TMEM266: variants seen among roughly 807,000 people sequenced by gnomAD.
TMEM266 encodes Hv1 related protein 1.
A neutral mutation model predicts 50.5 loss-of-function variants in TMEM266; 33 were observed. The observed-to-expected ratio is 0.65, with a 90% CI of 0.50 to 0.87. The LOEUF (loss-of-function observed/expected upper bound fraction) is 0.87, where lower values mean the gene tolerates loss of function less well. Ranked by LOEUF, TMEM266 falls within the 40% of genes least tolerant of loss-of-function variation. The probability of loss-of-function intolerance (pLI) is 0.00; values close to 1 mark genes in which losing one functional copy is unlikely to be tolerated. For synonymous variants in TMEM266, 310 were observed against 292.3 expected (o/e 1.06, Z -0.62); for missense variants, 655 against 695.1 (o/e 0.94, Z 0.65).
chr15:76,101,863 G>A (rs1435643893), intron 1 of TMEM266, among the ~76,000 whole-genome samples: 3 of 152,206 alleles, frequency 2.0e-5, no homozygotes, highest in Non-Finnish European at 4.4e-5. Flanking sequence ...ATGCTCGGAG[G>A]TGGCTTGATA....
intron 1 of TMEM266, among the ~76,000 whole-genome samples, chr15:76,116,453 G>A (rs1428920976): frequency 6.6e-6 from 1 of 151,874 alleles, no homozygotes; most frequent in Non-Finnish European, 1.5e-5. Flanking sequence ...TTACTCCTAG[G>A]AATCCCCTTC....
intron 8 of TMEM266, among the ~76,000 whole-genome samples, chr15:76,177,755 C>T (rs1002664691): frequency 7.2e-5 from 11 of 152,260 alleles, no homozygotes; most frequent in Non-Finnish European, 1.5e-4. Flanking sequence ...TAGCCAGCAC[C>T]GTCCAGAGCT....
intron 5 of TMEM266, 149 bp from the exon 6 acceptor site, chr15:76,169,667 G>A: frequency 9.2e-6 from 8 of 872,170 alleles, no homozygotes; most frequent in Non-Finnish European, 1.5e-5. Context: ...GGAGTGGAGA[G>A]GGCACAGGGG....
chr15:76,167,793 G>T (rs975368938), intron 5 of TMEM266, among the ~76,000 whole-genome samples: 8 of 152,038 alleles, frequency 5.3e-5, no homozygotes, highest in Non-Finnish European at 1.0e-4. Context: ...GAGCCATCGC[G>T]CCTGCTTGTT....
intron 4 of TMEM266, among the ~76,000 whole-genome samples, chr15:76,158,530 G>A (rs751303758): frequency 2.0e-5 from 3 of 152,158 alleles, no homozygotes; most frequent in Non-Finnish European, 4.4e-5. Context: ...GAACCCAGCC[G>A]ACACTGGAAT....
chr15:76,061,636 T>C (rs1170008753), intron 1 of TMEM266, among the ~76,000 whole-genome samples: 1 of 152,200 alleles, frequency 6.6e-6, no homozygotes, highest in Non-Finnish European at 1.5e-5. Flanking sequence ...TGGATCAGTA[T>C]GGAATTTTTT....
At chr15:76,109,619 C>A (rs1298265268) in intron 1 of TMEM266, among the ~76,000 whole-genome samples, 2 of 152,122 alleles carry the variant, frequency 1.3e-5, no homozygotes, top group African/African-American at 4.8e-5. Flanking sequence ...CATGATCCTG[C>A]CTCTGCACTC....
intron 1 of TMEM266, among the ~76,000 whole-genome samples, chr15:76,090,687 G>A (rs1472766922): frequency 2.6e-5 from 4 of 151,878 alleles, no homozygotes; most frequent in Non-Finnish European, 5.9e-5. Context: ...AAGTGTCCAC[G>A]GGATTTGGGA....
intron 1 of TMEM266, among the ~76,000 whole-genome samples, chr15:76,117,331 C>T (rs1028609079): frequency 2.4e-4 from 36 of 152,148 alleles, no homozygotes; most frequent in Admixed American, 1.0e-3. Flanking sequence ...CATCACGTGC[C>T]GTACCACCAT....
At position 76,175,655 on chromosome 15, in the gene TMEM266, A is replaced by G. The variant is rs2038263623; in HGVS notation, c.749A>G (p.Gln250Arg). 6.2e-7 allele frequency: 1 copy of G among 1,614,080 alleles called. No homozygotes were observed. ...GACGAGCAGCTGGAGAGGCTGACGCAGATCTGTCAGGAGCAAGGGGTAATG... is the reference window on the plus strand; with the variant it reads ...GACGAGCAGCTGGAGAGGCTGACGCGGATCTGTCAGGAGCAAGGGGTAATG... Residue 250 changes from glutamine to arginine, a missense_variant, in exon 8 of 11, where the codon CAG (glutamine) becomes CGG (arginine). By Grantham distance (43) the Gln-to-Arg change is conservative. Around this residue, in one of 3 missense-constraint regions of TMEM266, gnomAD observed 455 missense variants for 401.8 expected, o/e 1.13. Coordinates refer to ENST00000388942, the MANE Select transcript of TMEM266 (RefSeq NM_152335.3).
At chr15:76,186,996 C>T (rs1023717526) in intron 8 of TMEM266, among the ~76,000 whole-genome samples, 7 of 152,216 alleles carry the variant, frequency 4.6e-5, no homozygotes, top group African/African-American at 1.7e-4. Flanking sequence ...GCTTGGCTCT[C>T]GGAGGCGACT....
intron 1 of TMEM266, among the ~76,000 whole-genome samples, chr15:76,077,267 G>A (rs192063297): frequency 3.9e-5 from 6 of 151,998 alleles, no homozygotes; most frequent in South Asian, 2.1e-4. Context: ...CCTGGCCCTC[G>A]GATAACCTTT....
At chr15:76,134,871 G>A (rs2037565763) in intron 2 of TMEM266, among the ~76,000 whole-genome samples, 1 of 152,182 alleles carries the variant, frequency 6.6e-6, no homozygotes. Context: ...CATGTCTGGG[G>A]TACTCAGCTA....
chr15:76,110,938 A>G (rs1049407012), intron 1 of TMEM266, among the ~76,000 whole-genome samples: 2 of 152,200 alleles, frequency 1.3e-5, no homozygotes, highest in Non-Finnish European at 2.9e-5. Context: ...ACGGGATACT[A>G]TTACACCCTT....
intron 9 of TMEM266, among the ~76,000 whole-genome samples, chr15:76,201,116 C>T (rs1308946057): frequency 6.6e-6 from 1 of 152,098 alleles, no homozygotes; most frequent in African/African-American, 2.4e-5. Context: ...GAGGACAGCC[C>T]TCAGCCCTCC....
intron 1 of TMEM266, among the ~76,000 whole-genome samples, chr15:76,095,040 A>G (rs759461600): frequency 6.6e-6 from 1 of 152,062 alleles, no homozygotes; most frequent in African/African-American, 2.4e-5. Context: ...TTCTAACTAT[A>G]CAGTCATGTC....
intron 1 of TMEM266, among the ~76,000 whole-genome samples, chr15:76,131,292 A>G (rs2037506249): frequency 1.3e-5 from 2 of 152,210 alleles, no homozygotes; most frequent in South Asian, 2.1e-4. Context: ...GCATGAACCC[A>G]GGAGGCGGAG....
chr15:76,082,390 G>A (rs2036708468), intron 1 of TMEM266, among the ~76,000 whole-genome samples: 1 of 152,116 alleles, frequency 6.6e-6, no homozygotes, highest in Admixed American at 6.6e-5. Flanking sequence ...CATTAACAGT[G>A]GTAGAAGGGA....
chr15:76,100,486 A>G (rs966010735), intron 1 of TMEM266, among the ~76,000 whole-genome samples: 1 of 152,176 alleles, frequency 6.6e-6, no homozygotes, highest in Non-Finnish European at 1.5e-5. Context: ...TGACTTTACT[A>G]TAGTTGCCCT....
Sources: gnomAD v4.1 joint callset for allele counts (sites outside exome capture counted in the v4.1 genomes callset) on GRCh38, gnomAD v4.1.1 for gene constraint, gnomAD v4.1.1 regional missense constraint, MANE v1.5 for transcripts, NCBI Gene and HGNC (gene_info 2026-07-23, HGNC 2026-07-21) for gene names.